The following GPM6A variants were observed in gnomAD, a reference collection of about 807,000 sequenced individuals.
GPM6A encodes neuronal membrane glycoprotein M6-a.
Under a neutral mutation model 32.1 loss-of-function variants are expected in GPM6A, and 7 were observed. The ratio of observed to expected loss-of-function variants is 0.22; its 90% CI spans 0.12 to 0.41. The LOEUF (loss-of-function observed/expected upper bound fraction) is 0.41, where lower values mean the gene tolerates loss of function less well. Ranked by LOEUF, GPM6A falls within the 10% of genes least tolerant of loss-of-function variation. The pLI is 1.00. For missense variants in GPM6A, 235 were observed against 347.2 expected (o/e 0.68, Z 2.57); for synonymous variants, 130 against 123.4 (o/e 1.05, Z -0.35).
At chr4:175,967,663 C>T (rs1221036057) in intron 1 of GPM6A, among the ~76,000 whole-genome samples, 1 of 152,114 alleles carries the variant, frequency 6.6e-6, no homozygotes, top group Non-Finnish European at 1.5e-5. Context: ...AACAAAATGT[C>T]ATTTACATTA....
intron 1 of GPM6A, among the ~76,000 whole-genome samples, chr4:175,924,299 C>T (rs1399885544): frequency 6.6e-6 from 1 of 152,154 alleles, no homozygotes; most frequent in Non-Finnish European, 1.5e-5. Flanking sequence ...AAAAGAATTA[C>T]ACCGGACACC....
intron 1 of GPM6A, among the ~76,000 whole-genome samples, chr4:175,806,554 C>CAACT (rs1734703651): frequency 6.6e-6 from 1 of 152,144 alleles, no homozygotes; most frequent in Non-Finnish European, 1.5e-5. Flanking sequence ...CCATAATTAG[C>CAACT]AACTGATCCA....
intron 6 of GPM6A, among the ~76,000 whole-genome samples, chr4:175,637,082 CAT>C (rs72029020): frequency 0.35 from 30,178 of 86,508 alleles, 4,583 homozygotes; most frequent in Admixed American, 0.43. Context: ...AAATATATAA[CAT>C]ATAATATATC....
At chr4:175,637,915 A>G (rs1015874568) in intron 6 of GPM6A, among the ~76,000 whole-genome samples, 1 of 133,760 alleles carries the variant, frequency 7.5e-6, no homozygotes, top group African/African-American at 2.8e-5. Flanking sequence ...ATATGCATGA[A>G]TGAAATACTG....
intron 1 of GPM6A, among the ~76,000 whole-genome samples, chr4:175,912,241 A>C (rs1028346831): frequency 1.3e-5 from 2 of 152,210 alleles, no homozygotes; most frequent in African/African-American, 4.8e-5. Flanking sequence ...CCTCAAAGCC[A>C]ATTTTTAAAC....
intron 1 of GPM6A, among the ~76,000 whole-genome samples, chr4:175,766,746 C>A (rs1732985865): frequency 1.3e-5 from 2 of 151,360 alleles, no homozygotes; most frequent in Non-Finnish European, 1.5e-5. Context: ...CCTCCACCTC[C>A]CAGGTTCAAG....
At chr4:175,864,761 A>G (rs57185113) in intron 1 of GPM6A, among the ~76,000 whole-genome samples, 4,376 of 152,030 alleles carry the variant, frequency 0.029, 183 homozygotes, top group African/African-American at 0.097. Flanking sequence ...TCTTCTAGAA[A>G]TTTCTATTTG....
In GPM6A at chr4:175,634,364, C is replaced by T. The variant is rs1374177779; in HGVS notation, c.*541G>A. ...CACCTTAGATTGATGAAAACATGAA[C>T]CAGGGCCTACAGTAATATGGCCACT... is the stretch of plus-strand genomic sequence containing the variant. On this transcript the variant is annotated 3_prime_UTR_variant, in exon 7 of 7. Transcript: ENST00000393658. 1.3e-5 allele frequency: 2 copies of T among 152,264 alleles called. No individual in the cohort carries two copies. Among genetic ancestry groups the T allele is most frequent in the African/African-American group, 2.4e-5 (1 of 41,328 alleles). The allele number at this position is 152,264 out of a possible 1,614,324, so 9.4% of individuals were successfully genotyped here.
intron 1 of GPM6A, among the ~76,000 whole-genome samples, chr4:175,802,274 T>C (rs1050773181): frequency 4.6e-5 from 7 of 152,108 alleles, no homozygotes; most frequent in African/African-American, 4.8e-5. Flanking sequence ...TTCCACCAAA[T>C]AATGGTATCA....
chr4:175,953,941 A>T (rs1739901251), intron 1 of GPM6A, among the ~76,000 whole-genome samples: 1 of 152,198 alleles, frequency 6.6e-6, no homozygotes, highest in Admixed American at 6.5e-5. Context: ...GGGAACTATT[A>T]AAATTGAGTT....
intron 1 of GPM6A, among the ~76,000 whole-genome samples, chr4:175,850,800 A>C (rs1441932352): frequency 6.6e-6 from 1 of 150,866 alleles, no homozygotes; most frequent in Non-Finnish European, 1.5e-5. Flanking sequence ...TGCATATATA[A>C]AATTGTATGT....
chr4:175,988,527 T>C (rs1741045691), intron 1 of GPM6A, among the ~76,000 whole-genome samples: 1 of 152,162 alleles, frequency 6.6e-6, no homozygotes, highest in Non-Finnish European at 1.5e-5. Flanking sequence ...AGATAATAAG[T>C]AGGACTTGTT....
chr4:175,980,022 G>T (rs1740775271), intron 1 of GPM6A, among the ~76,000 whole-genome samples: 1 of 152,084 alleles, frequency 6.6e-6, no homozygotes, highest in African/African-American at 2.4e-5. Context: ...TAAGGTCTGG[G>T]TACTGTGTGA....
chr4:175,643,230 C>G (rs1425010395), intron 4 of GPM6A, among the ~76,000 whole-genome samples: 1 of 152,182 alleles, frequency 6.6e-6, no homozygotes, highest in African/African-American at 2.4e-5. Flanking sequence ...CAAGTAGCAG[C>G]TAGAGTAATC....
intron 1 of GPM6A, among the ~76,000 whole-genome samples, chr4:175,884,955 G>C (rs907868816): frequency 6.6e-6 from 1 of 152,226 alleles, no homozygotes; most frequent in Non-Finnish European, 1.5e-5. Context: ...TAACATGGCA[G>C]AGATAGCCAA....
At chr4:175,658,462 A>C (rs867669977) in intron 3 of GPM6A, among the ~76,000 whole-genome samples, 1 of 152,134 alleles carries the variant, frequency 6.6e-6, no homozygotes, top group Non-Finnish European at 1.5e-5. Flanking sequence ...GATTTGTAGA[A>C]CCGTGAAACT....
At chr4:175,668,266 A>C (rs769302493) in intron 3 of GPM6A, among the ~76,000 whole-genome samples, 1 of 152,038 alleles carries the variant, frequency 6.6e-6, no homozygotes, top group Admixed American at 6.6e-5. Context: ...GATATACGAG[A>C]TCTACTTCAG....
At chr4:175,869,700 T>C (rs1034851823) in intron 1 of GPM6A, among the ~76,000 whole-genome samples, 10 of 152,010 alleles carry the variant, frequency 6.6e-5, no homozygotes, top group South Asian at 2.1e-4. Context: ...TAGGTTGCAG[T>C]GAGCCGAGAT....
chr4:175,667,632 C>A (rs1742824235), intron 3 of GPM6A, among the ~76,000 whole-genome samples: 1 of 152,082 alleles, frequency 6.6e-6, no homozygotes, highest in Non-Finnish European at 1.5e-5. Flanking sequence ...GAGTGTCAGT[C>A]ACAGGGCAGA....
Sources: allele counts gnomAD v4.1 joint callset (sites outside exome capture counted in the v4.1 genomes callset), GRCh38; gene constraint gnomAD v4.1.1; transcripts MANE v1.5; gene names NCBI Gene and HGNC (gene_info 2026-07-23, HGNC 2026-07-21).